Variants in PIK3C3 observed in about 807,000 individuals in gnomAD.
PIK3C3 encodes PI3-kinase type 3.
Under a neutral mutation model 126.1 loss-of-function variants are expected in PIK3C3, and 95 were observed. The observed-to-expected ratio is 0.75, with a 90% confidence interval of 0.64 to 0.89. PIK3C3 has a LOEUF of 0.89. Ranked by LOEUF, PIK3C3 falls within the 40% of genes least tolerant of loss-of-function variation. PIK3C3 has a pLI of 0.00. For synonymous variants in PIK3C3, 374 were observed against 360.0 expected (o/e 1.04, Z -0.44); for missense variants, 829 against 1,063.2 (o/e 0.78, Z 3.06).
intron 21 of PIK3C3, among the ~76,000 whole-genome samples, chr18:42,051,926 T>C (rs1984821776): frequency 6.6e-6 from 1 of 151,924 alleles, no homozygotes; most frequent in Admixed American, 6.6e-5. Context: ...TATACATATG[T>C]AACAAACCTG....
intron 18 of PIK3C3, 41 bp downstream of exon 18, chr18:42,038,891 A>G (rs1391246039): frequency 1.6e-6 from 2 of 1,268,322 alleles, no homozygotes; most frequent in Non-Finnish European, 1.1e-6. Flanking sequence ...TTTAGTGTAC[A>G]TTGTGTGTAC....
At chr18:42,080,534 G>A (rs1348658948) in intron 24 of PIK3C3, among the ~76,000 whole-genome samples, 1 of 152,182 alleles carries the variant, frequency 6.6e-6, no homozygotes, top group Non-Finnish European at 1.5e-5. Flanking sequence ...ACGAGTTATG[G>A]ATGACTCAGT....
chr18:42,012,062 A>G (rs552267710), intron 10 of PIK3C3, among the ~76,000 whole-genome samples: 94 of 152,286 alleles, frequency 6.2e-4, no homozygotes, highest in South Asian at 1.4e-3. Context: ...ATAATGAAAA[A>G]GTTTGAAATA....
intron 24 of PIK3C3, among the ~76,000 whole-genome samples, chr18:42,068,613 A>G (rs1304383375): frequency 6.6e-6 from 1 of 151,544 alleles, no homozygotes; most frequent in Non-Finnish European, 1.5e-5. Flanking sequence ...CCCACCTCCC[A>G]CTTTTCCCAC....
At chr18:42,068,089 G>A (rs917864241) in intron 24 of PIK3C3, among the ~76,000 whole-genome samples, 1 of 152,190 alleles carries the variant, frequency 6.6e-6, no homozygotes, top group African/African-American at 2.4e-5. Context: ...CACCTCTCCT[G>A]TGAACTCCTT....
chr18:42,043,869 C>T lies in PIK3C3; in HGVS notation c.2188+52C>T, dbSNP rs781130566. 4.4e-6 allele frequency: 5 copies of T among 1,147,478 alleles called. No homozygotes were observed. In the Admixed American group the frequency reaches 8.8e-5, roughly 20 times the overall value. The allele number at this position is 1,147,478 out of a possible 1,614,324, so 71.1% of individuals were successfully genotyped here. A position where few individuals can be genotyped will look rare whatever the true frequency, so the allele number is the denominator to read the frequency against. ...ATTGATCAGATAAAGAAGAGCAGGC[C>T]ATCCTGATATTGCCATAATCATATA... On this transcript the variant is annotated intron_variant, in intron 20 of 24. Transcript: ENST00000262039.
intron 5 of PIK3C3, among the ~76,000 whole-genome samples, chr18:41,989,672 A>G (rs577572546): frequency 6.6e-6 from 1 of 152,188 alleles, no homozygotes; most frequent in Non-Finnish European, 1.5e-5. Context: ...TAGGGGTAAT[A>G]TGCTACACCA....
At chr18:41,960,454 T>G (rs961763694) in intron 2 of PIK3C3, among the ~76,000 whole-genome samples, 2 of 152,228 alleles carry the variant, frequency 1.3e-5, no homozygotes, top group Non-Finnish European at 2.9e-5. Context: ...AGAAGTATTT[T>G]AATCAGATTC....
chr18:41,955,520 C>G (rs1230104750), intron 1 of PIK3C3, 161 bp downstream of exon 1: 1 of 594,026 alleles, frequency 1.7e-6, no homozygotes, highest in Non-Finnish European at 3.0e-6. Flanking sequence ...GAGAGTGGAT[C>G]GTGGAGAGGG....
rs539798198 is a variant in PIK3C3, at chr18:41,969,011, G to T, written c.402-1316G>T. ...TTTTTTTTTATTTTTTAGAGATGGG[G>T]TTTCGCCATGTTGCCCAGGCTAGTC... On this transcript the variant is annotated intron_variant, in intron 3 of 24. Transcript: ENST00000262039. 7.0e-3 allele frequency among the ~76,000 whole-genome samples: 1,064 copies of T among 151,598 alleles called. 13 individuals are homozygous for T. The highest frequency in any genetic ancestry group is 0.023 in the African/African-American group (943 of 41,316).
intron 3 of PIK3C3, among the ~76,000 whole-genome samples, chr18:41,967,012 T>A (rs1234090096): frequency 6.6e-6 from 1 of 152,206 alleles, no homozygotes; most frequent in Non-Finnish European, 1.5e-5. Context: ...GAAGAAGGAA[T>A]TCTAAGAAAC....
In PIK3C3 at chr18:42,076,110, A is replaced by ATATATATATATG. The variant is rs1985978440; in HGVS notation, c.2650-5012_2650-5001dup. ...CTTGCATATATATATATATATATAT[A>ATATATATATATG]TATATATATATGCGCATATATATAT... On this transcript the variant is annotated intron_variant, in intron 24 of 24. Coordinates refer to ENST00000262039, the MANE Select transcript of PIK3C3 (RefSeq NM_002647.4). 1.4e-4 allele frequency among the ~76,000 whole-genome samples: 11 copies of ATATATATATATG among 80,312 alleles called. 1 individual carries two copies. The highest frequency in any genetic ancestry group is 5.3e-4 in the African/African-American group (10 of 18,870). 52.7% of individuals were successfully genotyped at this position (80,312 alleles called of 152,430 possible). A position where few individuals can be genotyped will look rare whatever the true frequency, so the allele number is the denominator to read the frequency against.
chr18:41,963,273 G>A (rs1403415189), intron 3 of PIK3C3, among the ~76,000 whole-genome samples: 1 of 152,210 alleles, frequency 6.6e-6, no homozygotes, highest in Non-Finnish European at 1.5e-5. Context: ...ATATAGGAAA[G>A]ACAGATAAAT....
chr18:41,986,613 C>T (rs1347762281), intron 4 of PIK3C3, among the ~76,000 whole-genome samples: 1 of 148,104 alleles, frequency 6.8e-6, no homozygotes, highest in Non-Finnish European at 1.5e-5. Context: ...TTCTGTAGGT[C>T]ACATTGTCTG....
At chr18:42,049,459 C>T (rs111995394) in intron 20 of PIK3C3, 72 bp from the exon 21 acceptor site, 70,117 of 1,115,420 alleles carry the variant, frequency 0.063, 2,641 homozygotes, top group Non-Finnish European at 0.077. Context: ...GCACAAACTG[C>T]TTTTATATTC....
At chr18:42,029,299 A>T (rs775913278) in intron 14 of PIK3C3, 26 bp from the exon 15 acceptor site, 3 of 1,447,592 alleles carry the variant, frequency 2.1e-6, no homozygotes, top group East Asian at 4.6e-5. Context: ...CATAGAACTA[A>T]TTTTTTCTCA....
At chr18:42,072,849 A>G (rs992135306) in intron 24 of PIK3C3, among the ~76,000 whole-genome samples, 2 of 152,102 alleles carry the variant, frequency 1.3e-5, no homozygotes, top group Non-Finnish European at 2.9e-5. Flanking sequence ...AGTGATCTTT[A>G]CAGTGCTTTC....
At chr18:41,955,692 G>GT (rs1374718617) in intron 1 of PIK3C3, among the ~76,000 whole-genome samples, 1 of 152,210 alleles carries the variant, frequency 6.6e-6, no homozygotes, top group Non-Finnish European at 1.5e-5. Flanking sequence ...AAGTCTCGTC[G>GT]TAAGTAAGAG....
Position 42,018,738 on chromosome 18 carries a change from T to C in PIK3C3, c.1417-1900T>C, listed in dbSNP as rs547104759. Among the ~76,000 whole-genome samples, 28 of 152,248 alleles carry C rather than the reference T, an allele frequency of 1.8e-4. No individual in the cohort carries two copies. In the Middle Eastern group the frequency reaches 0.017, roughly 92 times the overall value. ...TTCAATGTTTGCTTTTCTCTGAACATAGCTTTTATCCCATGGCTGTCATTT... is the reference window on the plus strand; with the variant it reads ...TTCAATGTTTGCTTTTCTCTGAACACAGCTTTTATCCCATGGCTGTCATTT... On this transcript the variant is annotated intron_variant, in intron 12 of 24. Coordinates refer to ENST00000262039, the MANE Select transcript of PIK3C3 (RefSeq NM_002647.4).
Sources: gnomAD v4.1 joint callset for allele counts (sites outside exome capture counted in the v4.1 genomes callset) on GRCh38, gnomAD v4.1.1 for gene constraint, MANE v1.5 for transcripts, NCBI Gene and HGNC (gene_info 2026-07-23, HGNC 2026-07-21) for gene names.